TMEM233: variants seen among roughly 807,000 people sequenced by gnomAD.
TMEM233 encodes dispanin subfamily B member 2.
Under a neutral mutation model 11.2 loss-of-function variants are expected in TMEM233, and 6 were observed. The observed-to-expected ratio is 0.54, with a 90% confidence interval of 0.29 to 1.06. TMEM233 has a LOEUF of 1.06. TMEM233 is among the 50% of genes least tolerant of loss of function. The pLI, the probability that TMEM233 is intolerant of heterozygous loss-of-function variation, is 0.08. For missense variants in TMEM233, 127 were observed against 144.7 expected (o/e 0.88, Z 0.63); for synonymous variants, 59 against 55.8 (o/e 1.06, Z -0.26).
intron 1 of TMEM233, among the ~76,000 whole-genome samples, chr12:119,627,745 T>C (rs1412954647): frequency 1.3e-5 from 2 of 152,082 alleles, no homozygotes; most frequent in African/African-American, 2.4e-5. Context: ...CAAACTGAGG[T>C]AGGAGGCGGG....
Position 119,631,720 on chromosome 12 carries a change from C to T in TMEM233, c.323+1848C>T, listed in dbSNP as rs545929179. ...GCACCAGACTGCCTGGACCCAGGTC[C>T]CAGTCACCACTTATTCACTGTGAGA... On this transcript the variant is annotated intron_variant, in intron 2 of 2. Transcript: ENST00000426426. 1.8e-4 allele frequency: 169 copies of T among 933,190 alleles called. 1 individual carries two copies. The African/African-American group carries it at 2.9e-3, about 16-fold the overall frequency. The allele number at this position is 933,190 out of a possible 1,614,324, so 57.8% of individuals were successfully genotyped here.
At chr12:119,634,875 C>T (rs1241506779) in intron 2 of TMEM233, among the ~76,000 whole-genome samples, 2 of 152,158 alleles carry the variant, frequency 1.3e-5, no homozygotes, top group Non-Finnish European at 2.9e-5. Flanking sequence ...CTATGTAAGC[C>T]ACATGGTGGC....
At chr12:119,600,200 A>G (rs1478882082) in intron 1 of TMEM233, among the ~76,000 whole-genome samples, 2 of 152,022 alleles carry the variant, frequency 1.3e-5, no homozygotes, top group Non-Finnish European at 2.9e-5. Context: ...TACAAAAAAA[A>G]AAAAAAAATG....
At chr12:119,608,344 T>C (rs906919823) in intron 1 of TMEM233, among the ~76,000 whole-genome samples, 53 of 152,194 alleles carry the variant, frequency 3.5e-4, no homozygotes, top group Admixed American at 3.5e-3. Flanking sequence ...CTGTAGAAAG[T>C]ATCTACCAAA....
At chr12:119,629,035 T>C (rs1311467489) in intron 1 of TMEM233, among the ~76,000 whole-genome samples, 2 of 152,230 alleles carry the variant, frequency 1.3e-5, no homozygotes, top group African/African-American at 4.8e-5. Flanking sequence ...AAGACAGACA[T>C]ACTCATTTGT....
At chr12:119,608,407 C>T (rs536643442) in intron 1 of TMEM233, among the ~76,000 whole-genome samples, 2 of 152,330 alleles carry the variant, frequency 1.3e-5, no homozygotes, top group South Asian at 4.1e-4. Flanking sequence ...CAAACATCCC[C>T]CCCAGATTTC....
chr12:119,608,548 C>G (rs138998069), intron 1 of TMEM233, among the ~76,000 whole-genome samples: 56 of 152,286 alleles, frequency 3.7e-4, no homozygotes, highest in African/African-American at 1.2e-3. Context: ...GGGCCTCCAG[C>G]CTTCTCTTCC....
Position 119,593,908 on chromosome 12 carries a change from C to T in TMEM233, c.60C>T (p.Ala20=), listed in dbSNP as rs767464428. 6.4e-7 allele frequency: 1 copy of T among 1,551,750 alleles called. No homozygotes were observed. Among genetic ancestry groups the T allele is most frequent in the Admixed American group, 2.0e-5 (1 of 51,010 alleles). ...FKRALDSSPE[A]NTEDDKTEED... ...GGGCTTTGGACAGCAGTCCCGAGGCCAACACTGAAGATGACAAGACCGAGG... is the reference window on the plus strand; with the variant it reads ...GGGCTTTGGACAGCAGTCCCGAGGCTAACACTGAAGATGACAAGACCGAGG... Residue 20 remains alanine (A), a synonymous_variant, in exon 1 of 3, where the codon GCC becomes GCT. Coordinates refer to ENST00000426426, the MANE Select transcript of TMEM233 (RefSeq NM_001136534.3). This position sits in a 1 kb window ranked among gnomAD's most constrained non-coding sequence, Gnocchi z 4.1.
intron 1 of TMEM233, among the ~76,000 whole-genome samples, chr12:119,597,587 C>T (rs951346416): frequency 6.6e-6 from 1 of 152,176 alleles, no homozygotes; most frequent in Non-Finnish European, 1.5e-5. Flanking sequence ...AAGAAAACTA[C>T]TTTGGAAAAA....
At chr12:119,635,431 G>A (rs959994917) in intron 2 of TMEM233, among the ~76,000 whole-genome samples, 1 of 152,200 alleles carries the variant, frequency 6.6e-6, no homozygotes, top group Non-Finnish European at 1.5e-5. Context: ...ATTCTTGCCT[G>A]TGTGGACATG....
At chr12:119,609,561 AG>A (rs1259335757) in intron 1 of TMEM233, among the ~76,000 whole-genome samples, 5 of 152,160 alleles carry the variant, frequency 3.3e-5, no homozygotes, top group African/African-American at 7.2e-5. Flanking sequence ...TTATGGGCCC[AG>A]GGCCCCCTGC....
intron 1 of TMEM233, among the ~76,000 whole-genome samples, chr12:119,600,843 A>G (rs1954148857): frequency 6.6e-6 from 1 of 152,186 alleles, no homozygotes; most frequent in South Asian, 2.1e-4. Flanking sequence ...CTGAAGATAG[A>G]AAAGTTCTGG....
At chr12:119,604,523 T>TA (rs1954226627) in intron 1 of TMEM233, among the ~76,000 whole-genome samples, 1 of 152,242 alleles carries the variant, frequency 6.6e-6, no homozygotes, top group African/African-American at 2.4e-5. Context: ...CTGCTATTGA[T>TA]ATGGGAAGAT....
At chr12:119,628,258 C>G (rs1158702252) in intron 1 of TMEM233, among the ~76,000 whole-genome samples, 1 of 151,804 alleles carries the variant, frequency 6.6e-6, no homozygotes, top group Non-Finnish European at 1.5e-5. Context: ...CTCCCAGGTT[C>G]AAGCAATTCT....
downstream of TMEM233, among the ~76,000 whole-genome samples, chr12:119,644,468 TTTTTC>T (rs1331261465): frequency 1.4e-5 from 2 of 147,310 alleles, no homozygotes; most frequent in East Asian, 4.1e-4. Context: ...ATGGCTTTTC[TTTTTC>T]TTTTCTTTTT....
At chr12:119,614,605 G>T (rs1954484217) in intron 1 of TMEM233, among the ~76,000 whole-genome samples, 1 of 151,988 alleles carries the variant, frequency 6.6e-6, no homozygotes, top group Non-Finnish European at 1.5e-5. Flanking sequence ...ATTTCTTTGG[G>T]GCATAATAAA....
chr12:119,640,576 C>T (rs1593315227), intron 2 of TMEM233, 123 bp from the exon 3 acceptor site: 1 of 1,061,712 alleles, frequency 9.4e-7, no homozygotes, highest in East Asian at 2.6e-5. Flanking sequence ...CAGGCTGGTA[C>T]ATTTCAACAT....
At chr12:119,651,662 C>CAA in the TMEM233 span, among the ~76,000 whole-genome samples, 7 of 142,476 alleles carry the variant, frequency 4.9e-5, no homozygotes, top group Middle Eastern at 3.3e-3. Flanking sequence ...ACTAAATATA[C>CAA]AAAAAAAAAA....
rs1953977200 is a variant in TMEM233, at chr12:119,594,121, G to A, written c.186+87G>A. 8.8e-6 allele frequency: 12 copies of A among 1,358,962 alleles called. No individual in the cohort carries two copies. The South Asian group carries it at 1.4e-4, about 16-fold the overall frequency. 84.2% of individuals were successfully genotyped at this position (1,358,962 alleles called of 1,614,324 possible). On this transcript the variant is annotated intron_variant, in intron 1 of 2. Transcript: ENST00000426426. The surrounding 1 kb of genome is among the most constrained non-coding windows in gnomAD (Gnocchi z 5.6). ...CAGGGGAGTCCGCGCGCTCTCTGCG[G>A]CTCCCTTCCTCACGGCCCGGCCCGC...
Sources: gnomAD v4.1 joint callset for allele counts (sites outside exome capture counted in the v4.1 genomes callset) on GRCh38, gnomAD v4.1.1 for gene constraint, Gnocchi (gnomAD v3.1) non-coding constraint, MANE v1.5 for transcripts, NCBI Gene and HGNC (gene_info 2026-07-23, HGNC 2026-07-21) for gene names.